CLBA1: variants seen among roughly 807,000 people sequenced by gnomAD.
The protein encoded by CLBA1 is uncharacterized protein CLBA1.
In CLBA1, 30 loss-of-function variants were observed where a neutral mutation model predicts 28.8. The ratio of observed to expected loss-of-function variants is 1.04; its 90% CI spans 0.78 to 1.41. The LOEUF (loss-of-function observed/expected upper bound fraction) is 1.41, where lower values mean the gene tolerates loss of function less well. CLBA1 is among the 40% of genes most tolerant of loss of function. The probability of loss-of-function intolerance (pLI) is 0.00; values close to 1 mark genes in which losing one functional copy is unlikely to be tolerated. For missense variants in CLBA1, 451 were observed against 412.3 expected (o/e 1.09, Z -0.81); for synonymous variants, 160 against 152.8 (o/e 1.05, Z -0.35).
chr14:104,992,259 C>T (rs149719501), intron 3 of CLBA1, among the ~76,000 whole-genome samples: 1 of 152,238 alleles, frequency 6.6e-6, no homozygotes, highest in East Asian at 1.9e-4. Flanking sequence ...ACCACACACG[C>T]CACCACATGC....
downstream of CLBA1, chr14:104,999,672 CACAGCAGGAGGTCATGAAA>C (rs1900230071): frequency 6.6e-6 from 1 of 152,240 alleles, no homozygotes; most frequent in Non-Finnish European, 1.5e-5. Flanking sequence ...ATGGCAGCTA[CACAGCAGGAGGTCATGAAA>C]ACAACACATG....
chr14:104,988,630 CGCCCG>C (rs1899934517), intron 1 of CLBA1, among the ~76,000 whole-genome samples: 1 of 152,160 alleles, frequency 6.6e-6, no homozygotes, highest in Admixed American at 6.5e-5. Flanking sequence ...TGAGCCACCG[CGCCCG>C]GCCGCATGTA....
In CLBA1 at chr14:104,995,108, AG is replaced by A. The variant is rs1390726538; in HGVS notation, c.*354del. The A allele has an allele frequency of 4.0e-6, 4 of 1,004,298 alleles. No individual in the cohort carries two copies. The highest frequency in any genetic ancestry group is 1.7e-5 in the African/African-American group (1 of 57,828). 62.2% of individuals were successfully genotyped at this position (1,004,298 alleles called of 1,614,324 possible). On this transcript the variant is annotated 3_prime_UTR_variant, in exon 5 of 5. Transcript: ENST00000547315. ...GCATGGCTTCTGGGCTGCTTAGTCC[AG>A]GGGGAGCAACTTGTGGCCAAATCCA... is the stretch of plus-strand genomic sequence containing the variant.
intron 1 of CLBA1, among the ~76,000 whole-genome samples, chr14:104,988,658 CAA>C (rs1466303562): frequency 2.0e-5 from 3 of 152,200 alleles, no homozygotes; most frequent in Non-Finnish European, 4.4e-5. Context: ...ATTTCTTAAC[CAA>C]ACTGGAAAAC....
chr14:104,999,222 G>A, downstream of CLBA1: 1 of 985,418 alleles, frequency 1.0e-6, no homozygotes, highest in Non-Finnish European at 1.2e-6. Context: ...GATTCCTAGA[G>A]GCCCTGAAGG....
At chr14:104,987,050 G>C (rs1187926543) in intron 1 of CLBA1, among the ~76,000 whole-genome samples, 196 bp downstream of exon 1, 2 of 152,256 alleles carry the variant, frequency 1.3e-5, no homozygotes, top group African/African-American at 4.8e-5. Context: ...TGAGTTGGCA[G>C]AGGAGGCTGC....
intron 2 of CLBA1, chr14:104,989,378 TG>T (rs1346608083): frequency 4.7e-6 from 2 of 426,030 alleles, no homozygotes. Flanking sequence ...GTGGAGTGGG[TG>T]GGGGCCTCGC....
rs767224068 is a variant in CLBA1, at chr14:104,986,887, G to T, written c.423+33G>T. ...TGCTGTGCTGTGGTCACCATGTTGA[G>T]TGGGACGTGTACACACCAAGAGGCC... On this transcript the variant is annotated intron_variant, in intron 1 of 4. Transcript: ENST00000547315. 3.1e-6 allele frequency: 5 copies of T among 1,604,054 alleles called. No homozygotes were observed. In the Admixed American group the frequency reaches 8.4e-5, roughly 27 times the overall value.
In CLBA1 at chr14:104,989,603, G is replaced by A. The variant is rs77252516; in HGVS notation, c.569+515G>A. ...CAGGCTCCTAGGGGAAAGTGCACCC[G>A]CAGTCACTCGCAGATGGCCATTTTC... On this transcript the variant is annotated intron_variant, in intron 2 of 4. Transcript: ENST00000547315. The A allele has an allele frequency of 4.6e-5, 21 of 456,056 alleles. No homozygotes were observed. The East Asian group carries it at 4.9e-4, about 11-fold the overall frequency. The allele number at this position is 456,056 out of a possible 1,614,324, so 28.3% of individuals were successfully genotyped here. A position where few individuals can be genotyped will look rare whatever the true frequency, so the allele number is the denominator to read the frequency against.
At chr14:104,988,234 G>A (rs991905737) in intron 1 of CLBA1, among the ~76,000 whole-genome samples, 3 of 152,174 alleles carry the variant, frequency 2.0e-5, no homozygotes, top group Middle Eastern at 3.4e-3. Context: ...GACTTCACCC[G>A]GTTCAGACCA....
chr14:104,989,805 G>A (rs533136035), intron 2 of CLBA1: 3 of 423,794 alleles, frequency 7.1e-6, no homozygotes, highest in African/African-American at 2.0e-5. Flanking sequence ...GGGTCTCCCA[G>A]CAGCCAGGGG....
intron 4 of CLBA1, chr14:104,993,642 G>A: frequency 2.0e-6 from 2 of 985,414 alleles, no homozygotes; most frequent in South Asian, 4.7e-5. Context: ...TCTTTTATCA[G>A]GGGGAAGAAA....
chr14:105,001,001 G>A (rs374192886), intron 2 of CLBA1, among the ~76,000 whole-genome samples: 1 of 149,412 alleles, frequency 6.7e-6, no homozygotes, highest in Non-Finnish European at 1.5e-5. Flanking sequence ...CAACCTAGGT[G>A]TCCAACAACA....
rs1471940062 is a variant in CLBA1 at position 104,994,745 on chromosome 14, A to G, written c.964A>G (p.Ser322Gly). 1 of 1,600,754 alleles carries G rather than the reference A, an allele frequency of 6.2e-7. No homozygotes were observed. The highest frequency in any genetic ancestry group is 2.2e-5 in the East Asian group (1 of 44,650). ...CAAGCTCAAACTGACACTCTTTAATAGCGACGTTTGCTAAAATCAGGAGGA... is the reference window on the plus strand; with the variant it reads ...CAAGCTCAAACTGACACTCTTTAATGGCGACGTTTGCTAAAATCAGGAGGA... Reference protein sequence around the residue: ...PRKLKLTLFNSDVC With the variant: ...PRKLKLTLFNGDVC Residue 322 changes from serine to glycine, a missense_variant, in exon 5 of 5, where the codon AGC becomes GGC. Transcript: ENST00000547315.
Position 104,986,439 on chromosome 14 carries a change from G to T in CLBA1, c.8G>T (p.Gly3Val). The change falls in exon 1 of 5, where the codon GGC becomes GTC. Residue 3 changes from glycine (G) to valine (V), a missense_variant. By Grantham distance (109) the Gly-to-Val change is moderately radical. Transcript: ENST00000547315. The part of the protein sequence containing the change: MQ[G>V]RRELGGEPLS... ...TGGCCTGGGGGCTCCAAGATGCAAG[G>T]CCGGCGGGAGCTGGGGGGAGAGCCT... is the stretch of plus-strand genomic sequence containing the variant. 6.2e-7 allele frequency: 1 copy of T among 1,612,282 alleles called. No individual in the cohort carries two copies.
chr14:104,994,060 C>A, intron 4 of CLBA1: 1 of 985,116 alleles, frequency 1.0e-6, no homozygotes, highest in Non-Finnish European at 1.2e-6. Context: ...CGACAGGTGC[C>A]ATGGGGCAAC....
chr14:104,993,120 G>A, intron 4 of CLBA1, 56 bp downstream of exon 4: 4 of 1,567,978 alleles, frequency 2.6e-6, no homozygotes, highest in South Asian at 1.2e-5. Flanking sequence ...GTCCACACAT[G>A]TGGAGCCCTC....
Position 104,995,109 on chromosome 14 carries a change from G to A in CLBA1, c.*350G>A, listed in dbSNP as rs965865391. 1.5e-4 allele frequency: 154 copies of A among 1,004,462 alleles called. No homozygotes were observed. The African/African-American group carries it at 1.7e-3, about 11-fold the overall frequency. The allele number at this position is 1,004,462 out of a possible 1,614,324, so 62.2% of individuals were successfully genotyped here. A position where few individuals can be genotyped will look rare whatever the true frequency, so the allele number is the denominator to read the frequency against. ...CATGGCTTCTGGGCTGCTTAGTCCA[G>A]GGGGAGCAACTTGTGGCCAAATCCA... On this transcript the variant is annotated 3_prime_UTR_variant, in exon 5 of 5. Coordinates refer to ENST00000547315, the MANE Select transcript of CLBA1 (RefSeq NM_174891.4).
chr14:104,986,223 C>A lies in CLBA1; in HGVS notation c.-209C>A, dbSNP rs1247126959. The stretch of plus-strand genomic sequence containing the variant: ...GAGGAAGCCAGGACTCCCGGGCGAC[C>A]GGGCCATTCCTGTGGTTTGTGTCAG... On this transcript the variant is annotated 5_prime_UTR_variant, in exon 1 of 5. Coordinates refer to ENST00000547315, the MANE Select transcript of CLBA1 (RefSeq NM_174891.4). The A allele has an allele frequency of 3.5e-5, 21 of 603,310 alleles. No individual in the cohort carries two copies. Among genetic ancestry groups the A allele is most frequent in the Non-Finnish European group, 5.8e-5 (20 of 343,414 alleles). 37.4% of individuals were successfully genotyped at this position (603,310 alleles called of 1,614,324 possible).
Sources: gnomAD v4.1 joint callset for allele counts (sites outside exome capture counted in the v4.1 genomes callset) on GRCh38, gnomAD v4.1.1 for gene constraint, MANE v1.5 for transcripts, NCBI Gene and HGNC (gene_info 2026-07-23, HGNC 2026-07-21) for gene names.